STAM2: variants seen among roughly 807,000 people sequenced by gnomAD.
STAM2 encodes the protein signal transducing adapter molecule 2.
In STAM2, 51 loss-of-function variants were observed where a neutral mutation model predicts 65.6. That is an observed-to-expected ratio of 0.78 (90% CI 0.62 to 0.98). STAM2 has a LOEUF of 0.98. STAM2 is among the 50% of genes least tolerant of loss of function. The pLI is 0.00. For missense variants in STAM2, 584 were observed against 617.8 expected (o/e 0.95, Z 0.58); for synonymous variants, 198 against 208.4 (o/e 0.95, Z 0.43).
chr2:152,129,034 T>C (rs1405156483), intron 11 of STAM2, among the ~76,000 whole-genome samples: 4 of 152,180 alleles, frequency 2.6e-5, no homozygotes, highest in East Asian at 1.9e-4. Flanking sequence ...GCTGTGGCCA[T>C]AGAACAAGAA....
At chr2:152,145,075 G>A (rs1359310840) in intron 5 of STAM2, 118 bp from the exon 6 acceptor site, 1 of 809,132 alleles carries the variant, frequency 1.2e-6, no homozygotes, top group East Asian at 2.6e-5. Flanking sequence ...TCATTTAAAA[G>A]TGAAGTTCTT....
intron 7 of STAM2, among the ~76,000 whole-genome samples, chr2:152,136,595 G>A (rs1227501007): frequency 7.2e-6 from 1 of 139,114 alleles, no homozygotes; most frequent in Admixed American, 7.6e-5. Flanking sequence ...TCTTTTACAC[G>A]TATCTATAGC....
chr2:152,128,969 A>G (rs765384207), intron 11 of STAM2, among the ~76,000 whole-genome samples: 5 of 152,236 alleles, frequency 3.3e-5, no homozygotes, highest in Non-Finnish European at 7.3e-5. Flanking sequence ...ATAATAGTCA[A>G]TAAGAATTTG....
intron 1 of STAM2, among the ~76,000 whole-genome samples, chr2:152,158,555 C>A (rs2105558745): frequency 6.6e-6 from 1 of 152,132 alleles, no homozygotes; most frequent in Non-Finnish European, 1.5e-5. Context: ...TTAGAGTAAA[C>A]AGAAGGCAAC....
intron 1 of STAM2, among the ~76,000 whole-genome samples, chr2:152,154,097 T>C (rs1287610635): frequency 6.6e-6 from 1 of 152,170 alleles, no homozygotes; most frequent in African/African-American, 2.4e-5. Flanking sequence ...CCAAATGAAT[T>C]TGTTAATAGT....
At chr2:152,160,672 C>G (rs1049871457) in intron 1 of STAM2, among the ~76,000 whole-genome samples, 24 of 149,424 alleles carry the variant, frequency 1.6e-4, no homozygotes, top group African/African-American at 4.9e-4. Context: ...CCCCGCCCGG[C>G]CAGCCACCCC....
intron 11 of STAM2, among the ~76,000 whole-genome samples, chr2:152,130,304 T>G (rs1387793959): frequency 6.6e-6 from 1 of 152,034 alleles, no homozygotes; most frequent in Non-Finnish European, 1.5e-5. Flanking sequence ...CAGGCTGGAG[T>G]GCAGTGGCGA....
intron 1 of STAM2, among the ~76,000 whole-genome samples, chr2:152,169,799 C>T (rs922222344): frequency 6.6e-6 from 1 of 151,596 alleles, no homozygotes; most frequent in Non-Finnish European, 1.5e-5. Context: ...AGGAATTTCA[C>T]TGCTGACAGG....
chr2:152,126,776 A>G (rs909647259), intron 11 of STAM2, among the ~76,000 whole-genome samples: 2 of 152,226 alleles, frequency 1.3e-5, no homozygotes, highest in African/African-American at 4.8e-5. Flanking sequence ...GACTGATTAC[A>G]GGTCCAGTCT....
intron 1 of STAM2, among the ~76,000 whole-genome samples, chr2:152,172,562 G>C (rs929889332): frequency 6.6e-6 from 1 of 152,082 alleles, no homozygotes; most frequent in African/African-American, 2.4e-5. Context: ...TGTTGGGAAA[G>C]TGCTATCAGA....
Position 152,120,220 on chromosome 2 carries a change from G to A in STAM2, c.*354C>T. On this transcript the variant is annotated 3_prime_UTR_variant, in exon 14 of 14. Coordinates refer to ENST00000263904, the MANE Select transcript of STAM2 (RefSeq NM_005843.6). The stretch of plus-strand genomic sequence containing the variant: ...AACTCACTCTGTCGATCATGCTACT[G>A]CACTCCAGCCTGGGTGACAGAGCGA... 4.9e-6 allele frequency: 1 copy of A among 204,408 alleles called. No individual in the cohort carries two copies. The highest frequency in any genetic ancestry group is 9.5e-6 in the Non-Finnish European group (1 of 105,300). 12.7% of individuals were successfully genotyped at this position (204,408 alleles called of 1,614,324 possible). A position where few individuals can be genotyped will look rare whatever the true frequency, so the allele number is the denominator to read the frequency against.
intron 1 of STAM2, among the ~76,000 whole-genome samples, chr2:152,157,110 G>A (rs1579329441): frequency 6.6e-6 from 1 of 152,042 alleles, no homozygotes; most frequent in African/African-American, 2.4e-5. Flanking sequence ...AAGTAGAAGA[G>A]GACTAGCCCA....
At chr2:152,153,756 T>C (rs1252840113) in intron 1 of STAM2, among the ~76,000 whole-genome samples, 4 of 152,146 alleles carry the variant, frequency 2.6e-5, no homozygotes, top group Admixed American at 2.6e-4. Flanking sequence ...AAGGCTTAAC[T>C]ATTTCTGAAC....
At chr2:152,133,544 A>C in intron 8 of STAM2, 60 bp from the exon 9 acceptor site, 2 of 1,302,938 alleles carry the variant, frequency 1.5e-6, no homozygotes, top group East Asian at 4.6e-5. Flanking sequence ...TTAGTCATTA[A>C]TTTATAAGTG....
intron 1 of STAM2, among the ~76,000 whole-genome samples, chr2:152,164,234 T>C (rs1689736349): frequency 6.6e-6 from 1 of 152,186 alleles, no homozygotes; most frequent in South Asian, 2.1e-4. Flanking sequence ...TGTTGAAATA[T>C]TGGAGGTGGG....
At chr2:152,130,106 C>G (rs1689030925) in intron 11 of STAM2, among the ~76,000 whole-genome samples, 1 of 152,162 alleles carries the variant, frequency 6.6e-6, no homozygotes, top group African/African-American at 2.4e-5. Context: ...TGATGGAATA[C>G]TAAGCCCTAT....
intron 7 of STAM2, 85 bp from the exon 8 acceptor site, chr2:152,135,688 C>T (rs961868073): frequency 4.7e-6 from 4 of 856,584 alleles, no homozygotes; most frequent in African/African-American, 1.7e-5. Context: ...AATTTAGCCT[C>T]CTTTGAATAT....
intron 11 of STAM2, among the ~76,000 whole-genome samples, chr2:152,128,211 T>C (rs1281379340): frequency 2.0e-5 from 3 of 152,010 alleles, no homozygotes; most frequent in Non-Finnish European, 2.9e-5. Context: ...ATCGAGACCA[T>C]CCTGGCTAAC....
Position 152,147,269 on chromosome 2 carries a change from C to T in STAM2, c.340G>A (p.Val114Met). The T allele has an allele frequency of 6.2e-7, 1 of 1,604,462 alleles. No individual in the cohort carries two copies. The highest frequency in any genetic ancestry group is 8.5e-7 in the Non-Finnish European group (1 of 1,176,552). The stretch of plus-strand genomic sequence containing the variant: ...TTCTGAAATTCTTCTGACCACTCCA[C>T]CATTAAAGATTTCAGTTTTTCACAT... ...KVCEKLKSLM[V>M]EWSEEFQKDP... The change falls in exon 5 of 14, where the codon GTG (valine) becomes ATG (methionine). Residue 114 changes from valine (V) to methionine (M), a missense_variant. By Grantham distance (21) the Val-to-Met change is conservative (BLOSUM62 1). Coordinates refer to ENST00000263904, the MANE Select transcript of STAM2 (RefSeq NM_005843.6).
Sources: allele counts gnomAD v4.1 joint callset (sites outside exome capture counted in the v4.1 genomes callset), GRCh38; gene constraint gnomAD v4.1.1; transcripts MANE v1.5; gene names NCBI Gene and HGNC (gene_info 2026-07-23, HGNC 2026-07-21).